The following NPAS3 variants were observed in gnomAD, a reference collection of about 807,000 sequenced individuals.
The protein encoded by NPAS3 is neuronal PAS domain protein 3, also known as neuronal PAS domain-containing protein 3.
Under a neutral mutation model 73.1 loss-of-function variants are expected in NPAS3, and 14 were observed. The observed-to-expected ratio is 0.19, with a 90% CI of 0.13 to 0.30. NPAS3 has a LOEUF of 0.30. Ranked by LOEUF, NPAS3 falls within the 10% of genes least tolerant of loss-of-function variation. The pLI, the probability that NPAS3 is intolerant of heterozygous loss-of-function variation, is 1.00. For missense variants in NPAS3, 1,096 were observed against 1,250.0 expected (o/e 0.88, Z 1.86); for synonymous variants, 620 against 541.5 (o/e 1.14, Z -2.01).
At chr14:33,578,367 G>A (rs1327500715) in intron 5 of NPAS3, 2 of 365,376 alleles carry the variant, frequency 5.5e-6, no homozygotes, top group South Asian at 2.1e-5. Flanking sequence ...CTAATTTTTT[G>A]TATTTTTAGT....
At chr14:33,423,747 T>C (rs2048446657) in intron 4 of NPAS3, among the ~76,000 whole-genome samples, 1 of 151,840 alleles carries the variant, frequency 6.6e-6, no homozygotes, top group Non-Finnish European at 1.5e-5. Flanking sequence ...TAACTGTAGG[T>C]GTTGTAAGTG....
intron 3 of NPAS3, among the ~76,000 whole-genome samples, chr14:33,290,792 C>T (rs890636853): frequency 1.1e-4 from 17 of 152,218 alleles, no homozygotes; most frequent in African/African-American, 4.1e-4. Flanking sequence ...TTTGTGGGAA[C>T]TTGATATTTC....
chr14:33,339,578 G>A (rs1346234120), intron 3 of NPAS3, among the ~76,000 whole-genome samples: 1 of 152,218 alleles, frequency 6.6e-6, no homozygotes, highest in African/African-American at 2.4e-5. Flanking sequence ...TATAGTGGTT[G>A]AAAGTTTCTT....
At chr14:32,962,726 C>A (rs1400104415) in intron 1 of NPAS3, among the ~76,000 whole-genome samples, 1 of 151,218 alleles carries the variant, frequency 6.6e-6, no homozygotes, top group African/African-American at 2.4e-5. Flanking sequence ...TCATGCCTGG[C>A]TAATTTTTGT....
At chr14:33,264,605 G>T (rs776287489) in intron 3 of NPAS3, among the ~76,000 whole-genome samples, 1 of 152,112 alleles carries the variant, frequency 6.6e-6, no homozygotes, top group Non-Finnish European at 1.5e-5. Context: ...AGAAGAGTTA[G>T]TGTCTGAATG....
chr14:32,961,981 A>G (rs1026746195), intron 1 of NPAS3, among the ~76,000 whole-genome samples: 3 of 152,238 alleles, frequency 2.0e-5, no homozygotes, highest in African/African-American at 7.2e-5. Flanking sequence ...CTCTAAGTAA[A>G]TAATTAAACA....
rs551400996 is a variant in NPAS3, at chr14:33,587,287, T to A, written c.558+27077T>A. Among the ~76,000 whole-genome samples the A allele has an allele frequency of 2.8e-4, 43 of 151,864 alleles. 1 individual carries two copies. The highest frequency in any genetic ancestry group is 8.6e-4 in the Admixed American group (13 of 15,200). On this transcript the variant is annotated intron_variant, in intron 5 of 11. Transcript: ENST00000356141. ...TTGTGAAGGATAAATTTATTTAATA[T>A]CATACTTTACCCATGACAAAAAAAA...
At chr14:33,216,805 TGAG>T (rs1315811357) in intron 3 of NPAS3, among the ~76,000 whole-genome samples, 1 of 152,116 alleles carries the variant, frequency 6.6e-6, no homozygotes, top group Non-Finnish European at 1.5e-5. Context: ...ACTTAAAGAT[TGAG>T]GAGAACACAC....
At chr14:33,190,286 G>A (rs951279606) in intron 2 of NPAS3, among the ~76,000 whole-genome samples, 6 of 152,206 alleles carry the variant, frequency 3.9e-5, no homozygotes, top group African/African-American at 1.4e-4. Flanking sequence ...TTTCAGAACA[G>A]TATCAAGAAG....
intron 2 of NPAS3, among the ~76,000 whole-genome samples, chr14:33,213,195 C>T (rs532600228): frequency 2.0e-5 from 3 of 152,030 alleles, no homozygotes; most frequent in Admixed American, 6.6e-5. Context: ...CCCTTGAGTT[C>T]GTAACCCCTG....
intron 4 of NPAS3, among the ~76,000 whole-genome samples, chr14:33,525,259 G>A (rs1555406854): frequency 6.6e-6 from 1 of 152,146 alleles, no homozygotes. Flanking sequence ...CTCAGAACTT[G>A]GATGTTTTAT....
At chr14:33,142,191 C>CTTT (rs10709910) in intron 2 of NPAS3, among the ~76,000 whole-genome samples, 12,548 of 37,852 alleles carry the variant, frequency 0.33, 3,090 homozygotes, top group Non-Finnish European at 0.41. Context: ...TTTGTATAAG[C>CTTT]TTTTTTTTTT....
At chr14:33,102,528 G>C (rs1383020032) in intron 2 of NPAS3, among the ~76,000 whole-genome samples, 2 of 152,140 alleles carry the variant, frequency 1.3e-5, no homozygotes, top group Non-Finnish European at 2.9e-5. Context: ...ATCATGTGAA[G>C]TACCTGGCAT....
intron 4 of NPAS3, among the ~76,000 whole-genome samples, chr14:33,481,611 A>G (rs2051327749): frequency 6.6e-6 from 1 of 152,146 alleles, no homozygotes; most frequent in Admixed American, 6.6e-5. Flanking sequence ...TTATTTATTT[A>G]TTTTACAACA....
intron 4 of NPAS3, among the ~76,000 whole-genome samples, chr14:33,485,623 C>T (rs2051547571): frequency 6.6e-6 from 1 of 152,116 alleles, no homozygotes; most frequent in Non-Finnish European, 1.5e-5. Flanking sequence ...CCTCTTTTCT[C>T]CTAATCAACA....
chr14:33,579,404 T>A (rs1051310898), intron 5 of NPAS3, among the ~76,000 whole-genome samples: 4 of 152,212 alleles, frequency 2.6e-5, no homozygotes, highest in African/African-American at 9.6e-5. Context: ...CTACAGGATC[T>A]CTGTATGTGA....
At chr14:33,361,180 A>C (rs750493094) in intron 3 of NPAS3, among the ~76,000 whole-genome samples, 1 of 152,236 alleles carries the variant, frequency 6.6e-6, no homozygotes, top group Non-Finnish European at 1.5e-5. Flanking sequence ...AAAGGTGGGT[A>C]GGCGAAGTGA....
chr14:33,401,881 G>A (rs1382053433), intron 4 of NPAS3, among the ~76,000 whole-genome samples: 2 of 152,056 alleles, frequency 1.3e-5, no homozygotes, highest in African/African-American at 4.8e-5. Context: ...TCCTAGCAGT[G>A]CAGCAGGGCA....
chr14:33,196,129 C>T (rs368266895), intron 2 of NPAS3, among the ~76,000 whole-genome samples: 39 of 151,438 alleles, frequency 2.6e-4, no homozygotes, highest in Non-Finnish European at 4.6e-4. Flanking sequence ...ACTTGTAGAT[C>T]GTATTTGATT....
Sources: allele counts gnomAD v4.1 joint callset (sites outside exome capture counted in the v4.1 genomes callset), GRCh38; gene constraint gnomAD v4.1.1; transcripts MANE v1.5; gene names NCBI Gene and HGNC (gene_info 2026-07-23, HGNC 2026-07-21).